The following NRG1 variants were observed in gnomAD, a reference collection of about 807,000 sequenced individuals.
NRG1 encodes neuregulin 1.
In NRG1, 18 loss-of-function variants were observed where a neutral mutation model predicts 63.8. The ratio of observed to expected loss-of-function variants is 0.28; its 90% confidence interval spans 0.19 to 0.42. The LOEUF (loss-of-function observed/expected upper bound fraction) is 0.42. NRG1 is among the 10% of genes least tolerant of loss of function. The pLI, the probability that NRG1 is intolerant of heterozygous loss-of-function variation, is 1.00. For missense variants in NRG1, 762 were observed against 814.7 expected (o/e 0.94, Z 0.79); for synonymous variants, 302 against 301.3 (o/e 1.00, Z -0.02).
chr8:32,342,625 T>G (rs2037995453), intron 1 of NRG1, among the ~76,000 whole-genome samples: 1 of 152,326 alleles, frequency 6.6e-6, no homozygotes, highest in East Asian at 1.9e-4. Flanking sequence ...ACCTTTCCCC[T>G]TGTTCTTGAT....
At chr8:32,425,079 T>TAC (rs1817186095) in intron 1 of NRG1, among the ~76,000 whole-genome samples, 2 of 152,234 alleles carry the variant, frequency 1.3e-5, no homozygotes, top group Admixed American at 6.5e-5. Context: ...TGATTTACTA[T>TAC]ATATCAGTAG....
At chr8:32,479,537 G>C (rs1194057210) in intron 1 of NRG1, among the ~76,000 whole-genome samples, 1 of 152,126 alleles carries the variant, frequency 6.6e-6, no homozygotes. Context: ...ATTTGTCATA[G>C]TTCAAAGAAA....
intron 1 of NRG1, among the ~76,000 whole-genome samples, chr8:32,516,508 T>A (rs1829838532): frequency 6.6e-6 from 1 of 152,226 alleles, no homozygotes; most frequent in South Asian, 2.1e-4. Flanking sequence ...GTCTATAGAT[T>A]GCTTTGGGAA....
intron 1 of NRG1, among the ~76,000 whole-genome samples, chr8:31,916,069 T>C (rs1027439473): frequency 1.2e-4 from 18 of 152,238 alleles, no homozygotes; most frequent in African/African-American, 4.3e-4. Flanking sequence ...CATTTTCTTC[T>C]AATATTTTGA....
chr8:32,686,711 A>G (rs1810239008), intron 5 of NRG1, among the ~76,000 whole-genome samples: 1 of 152,342 alleles, frequency 6.6e-6, no homozygotes, highest in East Asian at 1.9e-4. Context: ...CTGTCTAGAC[A>G]TGGAGTACAT....
At chr8:32,617,531 A>G (rs1411304623) in intron 5 of NRG1, among the ~76,000 whole-genome samples, 3 of 152,200 alleles carry the variant, frequency 2.0e-5, no homozygotes, top group Admixed American at 2.0e-4. Flanking sequence ...ATTAGCAAGG[A>G]CTAGTATAAA....
intron 1 of NRG1, among the ~76,000 whole-genome samples, chr8:32,370,061 G>A (rs1325476714): frequency 6.6e-6 from 1 of 152,146 alleles, no homozygotes; most frequent in East Asian, 1.9e-4. Context: ...GGTCAGGAAA[G>A]GGGAGAAGGA....
At chr8:31,974,047 T>C (rs1380588713) in intron 1 of NRG1, among the ~76,000 whole-genome samples, 2 of 152,194 alleles carry the variant, frequency 1.3e-5, no homozygotes, top group Non-Finnish European at 2.9e-5. Context: ...TTGTCAGTGC[T>C]GAAAAACTTA....
intron 1 of NRG1, chr8:32,026,294 C>T (rs1028656698): frequency 6.6e-6 from 1 of 152,036 alleles, no homozygotes; most frequent in Non-Finnish European, 1.5e-5. Context: ...GTGCTCACAA[C>T]TCTTCAGTCT....
At chr8:32,683,957 G>A (rs1206178052) in intron 5 of NRG1, among the ~76,000 whole-genome samples, 1 of 151,570 alleles carries the variant, frequency 6.6e-6, no homozygotes, top group African/African-American at 2.4e-5. Context: ...CACTCTGGGA[G>A]GCTGAGATGG....
intron 11 of NRG1, chr8:32,760,855 C>T (rs1830567032): frequency 4.0e-6 from 4 of 1,001,708 alleles, no homozygotes; most frequent in Non-Finnish European, 3.6e-6. Flanking sequence ...GTCTTACCTT[C>T]CAGCCTCAGT....
intron 1 of NRG1, among the ~76,000 whole-genome samples, chr8:32,388,854 A>C (rs531857780): frequency 3.9e-5 from 6 of 152,284 alleles, no homozygotes; most frequent in Non-Finnish European, 8.8e-5. Context: ...TTTCATGTTA[A>C]GAAAAGAAGG....
chr8:31,911,803 A>G (rs966757442), intron 1 of NRG1, among the ~76,000 whole-genome samples: 10 of 152,224 alleles, frequency 6.6e-5, no homozygotes, highest in African/African-American at 2.4e-4. Flanking sequence ...TTATATTTAG[A>G]CAGGGAATGG....
chr8:31,674,881 C>T (rs1292307113), intron 1 of NRG1, among the ~76,000 whole-genome samples: 1 of 152,184 alleles, frequency 6.6e-6, no homozygotes, highest in African/African-American at 2.4e-5. Context: ...CTTTAATTTA[C>T]CTTGTACTGT....
At chr8:31,680,909 C>T (rs1808273707) in intron 1 of NRG1, among the ~76,000 whole-genome samples, 1 of 152,092 alleles carries the variant, frequency 6.6e-6, no homozygotes, top group African/African-American at 2.4e-5. Flanking sequence ...GGGAGTTTTG[C>T]CCTCCCAGAT....
chr8:32,561,488 A>C (rs2129526982), intron 1 of NRG1, among the ~76,000 whole-genome samples: 1 of 152,328 alleles, frequency 6.6e-6, no homozygotes, highest in African/African-American at 2.4e-5. Flanking sequence ...AATGTGAATT[A>C]GTATAGTATA....
At chr8:32,690,938 A>T (rs1332206182) in intron 5 of NRG1, among the ~76,000 whole-genome samples, 27 of 131,050 alleles carry the variant, frequency 2.1e-4, no homozygotes, top group East Asian at 4.4e-4. Context: ...TTTCCCTCTC[A>T]GTGTGTGTGT....
intron 1 of NRG1, among the ~76,000 whole-genome samples, chr8:32,066,583 T>C (rs1459558162): frequency 6.6e-6 from 1 of 152,114 alleles, no homozygotes; most frequent in East Asian, 1.9e-4. Flanking sequence ...CTGTTTTGGT[T>C]ACTGTAGCCT....
chr8:32,207,495 G>A (rs749654658), intron 1 of NRG1, among the ~76,000 whole-genome samples: 5 of 152,084 alleles, frequency 3.3e-5, no homozygotes, highest in African/African-American at 4.8e-5. Context: ...ACCCTGTTAA[G>A]CATCTCTGTC....
Sources: allele counts gnomAD v4.1 joint callset (sites outside exome capture counted in the v4.1 genomes callset), GRCh38; gene constraint gnomAD v4.1.1; transcripts MANE v1.5; gene names NCBI Gene and HGNC (gene_info 2026-07-23, HGNC 2026-07-21).